The following SAMD12 variants were observed in gnomAD, a reference collection of about 807,000 sequenced individuals.
SAMD12 encodes the protein sterile alpha motif domain containing 12, also known as sterile alpha motif domain-containing protein 12.
A neutral mutation model predicts 15.0 loss-of-function variants in SAMD12; 9 were observed. That is an observed-to-expected ratio of 0.60 (90% CI 0.36 to 1.05). The LOEUF is 1.05. Ranked by LOEUF, SAMD12 falls within the 50% of genes least tolerant of loss-of-function variation. The probability of loss-of-function intolerance (pLI) is 0.01; values close to 1 mark genes in which losing one functional copy is unlikely to be tolerated. For synonymous variants in SAMD12, 86 were observed against 90.1 expected, an observed-to-expected ratio of 0.96 and a Z score of 0.25; for missense variants, 230 against 234.2, an observed-to-expected ratio of 0.98 and a Z score of 0.12.
chr8:118,180,659 G>A, the SAMD12 span, among the ~76,000 whole-genome samples: 22 of 151,980 alleles, frequency 1.4e-4, no homozygotes, highest in East Asian at 1.9e-4. Flanking sequence ...TGCAACCTCC[G>A]CCTCCCAGGC....
chr8:118,311,459 A>C (rs1815628477), intron 4 of SAMD12, among the ~76,000 whole-genome samples: 1 of 152,220 alleles, frequency 6.6e-6, no homozygotes, highest in African/African-American at 2.4e-5. Context: ...TGGCCTACAA[A>C]GCACGAAACA....
chr8:118,337,291 T>TTG (rs1817129845), intron 4 of SAMD12, among the ~76,000 whole-genome samples: 1 of 152,176 alleles, frequency 6.6e-6, no homozygotes, highest in African/African-American at 2.4e-5. Context: ...GTAATCCATG[T>TTG]CACACGCCAG....
At chr8:118,582,447 C>T (rs1827320544) in intron 1 of SAMD12, among the ~76,000 whole-genome samples, 1 of 152,150 alleles carries the variant, frequency 6.6e-6, no homozygotes, top group Non-Finnish European at 1.5e-5. Context: ...AAAAAACAAA[C>T]TGATTGCACA....
In SAMD12 at chr8:118,436,208, A is replaced by G. The variant is rs1311655992; in HGVS notation, c.322+3624T>C. ...GTATTCTGAAAACCTGGTACATGGTAGATGGTCCATAAATACTTCCTAAAT... is the reference window on the plus strand; with the variant it reads ...GTATTCTGAAAACCTGGTACATGGTGGATGGTCCATAAATACTTCCTAAAT... On this transcript the variant is annotated intron_variant, in intron 3 of 3. Coordinates refer to ENST00000314727, the MANE Select transcript of SAMD12 (RefSeq NM_207506.3). Among the ~76,000 whole-genome samples, 9 of 152,336 alleles carry G rather than the reference A, an allele frequency of 5.9e-5. No homozygotes were observed. The South Asian group carries it at 1.5e-3, about 25-fold the overall frequency.
intron 4 of SAMD12, among the ~76,000 whole-genome samples, chr8:118,272,948 T>C (rs897872189): frequency 6.6e-6 from 1 of 152,262 alleles, no homozygotes; most frequent in Non-Finnish European, 1.5e-5. Flanking sequence ...TGTCTTCTTC[T>C]GAGTCCTTCA....
chr8:118,354,658 T>C (rs1729532636), intron 4 of SAMD12, among the ~76,000 whole-genome samples: 1 of 152,244 alleles, frequency 6.6e-6, no homozygotes, highest in Non-Finnish European at 1.5e-5. Context: ...AATAGCCACA[T>C]GTCATTAGTG....
At chr8:118,332,135 A>C (rs1342722346) in intron 4 of SAMD12, among the ~76,000 whole-genome samples, 3 of 152,182 alleles carry the variant, frequency 2.0e-5, no homozygotes, top group African/African-American at 7.2e-5. Flanking sequence ...AAAAAGTCAA[A>C]TGTAAACTAA....
chr8:118,453,326 T>A (rs1049071218), intron 2 of SAMD12, among the ~76,000 whole-genome samples: 3 of 152,154 alleles, frequency 2.0e-5, no homozygotes, highest in African/African-American at 7.2e-5. Context: ...GGCTAATTAG[T>A]CTGGTTTGGA....
chr8:118,172,290 G>A, the SAMD12 span, among the ~76,000 whole-genome samples: 1 of 152,088 alleles, frequency 6.6e-6, no homozygotes, highest in South Asian at 2.1e-4. Context: ...GGAATTGTAT[G>A]TATTGTTTAA....
chr8:118,303,901 T>C (rs1415852354), intron 4 of SAMD12, among the ~76,000 whole-genome samples: 1 of 152,182 alleles, frequency 6.6e-6, no homozygotes, highest in Non-Finnish European at 1.5e-5. Context: ...GGCAATGACC[T>C]TCTGCATTGT....
the SAMD12 span, among the ~76,000 whole-genome samples, chr8:118,147,173 C>T: frequency 6.6e-6 from 1 of 150,916 alleles, no homozygotes; most frequent in South Asian, 2.1e-4. Context: ...TACAGGCACA[C>T]ACCACCATAC....
chr8:118,612,140 C>A (rs1828127358), intron 1 of SAMD12, among the ~76,000 whole-genome samples: 1 of 152,174 alleles, frequency 6.6e-6, no homozygotes, highest in Admixed American at 6.5e-5. Flanking sequence ...CAGGCAAGAC[C>A]AATTCCTTTC....
At chr8:118,516,580 C>T (rs746974628) in intron 2 of SAMD12, among the ~76,000 whole-genome samples, 24 of 151,772 alleles carry the variant, frequency 1.6e-4, no homozygotes, top group Non-Finnish European at 2.2e-4. Context: ...CTGTTGACTC[C>T]ACTTTTCCTT....
intron 2 of SAMD12, among the ~76,000 whole-genome samples, chr8:118,507,250 T>G (rs895535422): frequency 1.2e-4 from 18 of 152,090 alleles, no homozygotes; most frequent in African/African-American, 3.1e-4. Context: ...ACTCATTTTA[T>G]TCAAAGCTCA....
intron 4 of SAMD12, among the ~76,000 whole-genome samples, chr8:118,219,997 G>T (rs990383031): frequency 6.6e-6 from 1 of 152,204 alleles, no homozygotes; most frequent in Non-Finnish European, 1.5e-5. Flanking sequence ...AGTTTCCACT[G>T]TTTACCTGAA....
the SAMD12 span, among the ~76,000 whole-genome samples, chr8:118,136,876 C>G: frequency 2.6e-5 from 4 of 152,182 alleles, no homozygotes; most frequent in Non-Finnish European, 5.9e-5. Flanking sequence ...GAGTAGATTC[C>G]TAGACAGTTT....
chr8:118,555,763 T>C (rs1219994999), intron 2 of SAMD12, among the ~76,000 whole-genome samples: 1 of 152,222 alleles, frequency 6.6e-6, no homozygotes, highest in African/African-American at 2.4e-5. Context: ...TGTTTATCAT[T>C]ACACTTCCTG....
intron 4 of SAMD12, among the ~76,000 whole-genome samples, chr8:118,298,033 G>A (rs1205553908): frequency 1.3e-5 from 2 of 151,878 alleles, no homozygotes; most frequent in East Asian, 3.9e-4. Flanking sequence ...GCTCCCATTG[G>A]CCCTCAGCCT....
chr8:118,185,017 C>T (rs966682028), downstream of SAMD12, among the ~76,000 whole-genome samples: 3 of 151,456 alleles, frequency 2.0e-5, no homozygotes, highest in Non-Finnish European at 4.4e-5. Context: ...TACCTGTTTG[C>T]GTTGATGAAG....
Sources: gnomAD v4.1 joint callset for allele counts (sites outside exome capture counted in the v4.1 genomes callset) on GRCh38, gnomAD v4.1.1 for gene constraint, MANE v1.5 for transcripts, NCBI Gene and HGNC (gene_info 2026-07-23, HGNC 2026-07-21) for gene names.